WDR59: variants seen among roughly 807,000 people sequenced by gnomAD.
The protein encoded by WDR59 is WD repeat domain 59, also known as GATOR2 complex protein WDR59.
Under a neutral mutation model 131.2 loss-of-function variants are expected in WDR59, and 100 were observed. The ratio of observed to expected loss-of-function variants is 0.76; its 90% CI spans 0.65 to 0.90. WDR59 has a LOEUF of 0.90. Among genes scored for constraint, WDR59 ranks in the 40% least tolerant of loss-of-function variants. The pLI, the probability that WDR59 is intolerant of heterozygous loss-of-function variation, is 0.00. For synonymous variants in WDR59, 601 were observed against 466.2 expected (o/e 1.29, Z -3.72); for missense variants, 1,203 against 1,262.2 (o/e 0.95, Z 0.71).
intron 11 of WDR59, 37 bp from the exon 12 acceptor site, chr16:74,916,296 T>A: frequency 3.1e-6 from 5 of 1,611,798 alleles, no homozygotes; most frequent in Non-Finnish European, 4.2e-6. Context: ...TCTAGAGAAG[T>A]CCGTGGAAAT....
chr16:74,963,547 C>G (rs943345440), intron 2 of WDR59, among the ~76,000 whole-genome samples: 5 of 150,326 alleles, frequency 3.3e-5, no homozygotes, highest in African/African-American at 1.2e-4. Flanking sequence ...AGTGAAAACA[C>G]ATGGACACAG....
At chr16:74,983,785 G>A (rs2034518135) in intron 1 of WDR59, among the ~76,000 whole-genome samples, 1 of 152,042 alleles carries the variant, frequency 6.6e-6, no homozygotes, top group Non-Finnish European at 1.5e-5. Context: ...ATACCAGCCT[G>A]GACAACATAG....
intron 13 of WDR59, among the ~76,000 whole-genome samples, chr16:74,915,188 G>A (rs549293764): frequency 2.3e-3 from 353 of 152,234 alleles, no homozygotes; most frequent in South Asian, 3.7e-3. Flanking sequence ...TGGACGGGCT[G>A]GAGGTTTGGC....
intron 1 of WDR59, among the ~76,000 whole-genome samples, chr16:74,981,651 T>TATATAC (rs2034427573): frequency 1.7e-4 from 1 of 5,990 alleles, no homozygotes; most frequent in African/African-American, 3.1e-4. Context: ...TATATATATA[T>TATATAC]ATATATATAT....
chr16:74,911,393 G>T (rs1966079854), intron 14 of WDR59, among the ~76,000 whole-genome samples: 1 of 152,202 alleles, frequency 6.6e-6, no homozygotes, highest in Non-Finnish European at 1.5e-5. Context: ...GAACAATCAA[G>T]TGTCCACGAC....
chr16:74,897,556 C>T (rs946500358), intron 18 of WDR59, among the ~76,000 whole-genome samples: 2 of 152,160 alleles, frequency 1.3e-5, no homozygotes, highest in African/African-American at 2.4e-5. Context: ...CTTCTTGAGA[C>T]ACCAGGCTTC....
Position 74,874,274 on chromosome 16 carries a change from ACCACT to A in WDR59, c.2855_2859del (p.Glu952ValfsTer18). The A allele has an allele frequency of 1.9e-6, 3 of 1,614,158 alleles. No individual in the cohort carries two copies. Among genetic ancestry groups the A allele is most frequent in the African/African-American group, 1.3e-5 (1 of 75,056 alleles). ...GTGGGACACACCTCCTGGGTCCGAAACCACTCCATCATGTGGCTGGTGTGGCCACC... is the reference window on the plus strand; with the variant it reads ...GTGGGACACACCTCCTGGGTCCGAAACCATCATGTGGCTGGTGTGGCCACC... On this transcript the variant is annotated frameshift_variant, in exon 26 of 26. Coordinates refer to ENST00000262144, the MANE Select transcript of WDR59 (RefSeq NM_030581.4). LOFTEE classifies it high-confidence loss of function.
chr16:74,942,810 G>A lies in WDR59; in HGVS notation c.462C>T (p.Val154=). The part of the protein sequence containing the change: ...ALSAVAGASQ[V]KWNKKNANCL... ...AGTTAGCATTTTTTTTATTCCATTT[G>A]ACCTGGGAGGCACCCGCTGCAAAGA... is the stretch of plus-strand genomic sequence containing the variant. Residue 154 remains valine, a synonymous_variant, in exon 7 of 26, where the codon GTC becomes GTT. Transcript: ENST00000262144. The A allele has an allele frequency of 6.2e-7, 1 of 1,613,090 alleles. No homozygotes were observed. The highest frequency in any genetic ancestry group is 8.5e-7 in the Non-Finnish European group (1 of 1,179,730).
rs59567435 is a variant in WDR59 at position 74,904,188 on chromosome 16, G to A, written c.1713-88C>T. ...TATTCTTAGCACTTGATACCAAAAG[G>A]AGAAGACAAAATGAGAAGATGGAAA... On this transcript the variant is annotated intron_variant, in intron 17 of 25. Transcript: ENST00000262144. 2.5e-3 allele frequency: 3,686 copies of A among 1,477,760 alleles called. 71 individuals are homozygous for A. In the African/African-American group the frequency reaches 0.044, roughly 18 times the overall value. 91.5% of individuals were successfully genotyped at this position (1,477,760 alleles called of 1,614,324 possible).
chr16:74,981,879 C>A (rs2034444458), intron 1 of WDR59, among the ~76,000 whole-genome samples: 1 of 138,784 alleles, frequency 7.2e-6, no homozygotes, highest in Non-Finnish European at 1.6e-5. Flanking sequence ...TGGTCTCAAA[C>A]TCCTGACCTC....
Position 74,938,234 on chromosome 16 carries a change from G to A in WDR59, c.567C>T (p.Ala189=). 1 of 1,564,424 alleles carries A rather than the reference G, an allele frequency of 6.4e-7. No individual in the cohort carries two copies. The highest frequency in any genetic ancestry group is 1.4e-5 in the African/African-American group (1 of 72,394). The change falls in exon 8 of 26, where the codon GCC becomes GCT. Residue 189 remains alanine, a synonymous_variant. Coordinates refer to ENST00000262144, the MANE Select transcript of WDR59 (RefSeq NM_030581.4). The part of the protein sequence containing the change: ...KPSTAVEYLA[A]HLSKIHGLDW... ...CCAGGCCATGGATTTTGGAGAGGTG[G>A]GCGGCTAGATATTCCACTGCTGTAC...
In WDR59 at chr16:74,965,841, A is replaced by C; in HGVS notation, c.55-19T>G. The C allele has an allele frequency of 6.2e-7, 1 of 1,614,068 alleles. No homozygotes were observed. Among genetic ancestry groups the C allele is most frequent in the South Asian group, 1.1e-5 (1 of 91,080 alleles). ...CAGTTGCCTGAGAGAGAGAACACAG[A>C]GTCAGTGCTGCCAGCAAACCCAGCC... On this transcript the variant is annotated intron_variant, in intron 1 of 25. Coordinates refer to ENST00000262144, the MANE Select transcript of WDR59 (RefSeq NM_030581.4).
intron 8 of WDR59, among the ~76,000 whole-genome samples, chr16:74,931,723 A>C (rs991811517): frequency 1.3e-5 from 2 of 152,086 alleles, no homozygotes; most frequent in African/African-American, 4.8e-5. Flanking sequence ...AAACCTCAAA[A>C]ATTAGCCAGG....
At chr16:74,968,306 C>T (rs1418775517) in intron 1 of WDR59, among the ~76,000 whole-genome samples, 4 of 152,162 alleles carry the variant, frequency 2.6e-5, no homozygotes, top group South Asian at 2.1e-4. Flanking sequence ...CATGAAGATT[C>T]GCATTGCTGG....
intron 23 of WDR59, 124 bp downstream of exon 23, chr16:74,887,559 G>A (rs1398878088): frequency 1.1e-6 from 1 of 934,718 alleles, no homozygotes; most frequent in Non-Finnish European, 1.6e-6. Context: ...CCCTATCACA[G>A]TAAATGTAAA....
Position 74,965,775 on chromosome 16 carries a change from A to G in WDR59, c.102T>C (p.Ser34=). 1 of 1,614,158 alleles carries G rather than the reference A, an allele frequency of 6.2e-7. No homozygotes were observed. Among genetic ancestry groups the G allele is most frequent in the Non-Finnish European group, 8.5e-7 (1 of 1,180,002 alleles). ...VDCLGQHAVL[S]GRRFLYIVNL... ...ACAAACTCGGCAAGCTTACTTACCC[A>G]GAAAGCACTGCATGCTGCCCAAGAC... The change falls in exon 2 of 26, where the codon TCT becomes TCC. Residue 34 remains serine (S), a splice_region_variant and synonymous_variant. Coordinates refer to ENST00000262144, the MANE Select transcript of WDR59 (RefSeq NM_030581.4).
chr16:74,958,681 C>G (rs1176847615), intron 2 of WDR59, among the ~76,000 whole-genome samples: 1 of 149,380 alleles, frequency 6.7e-6, no homozygotes, highest in Non-Finnish European at 1.5e-5. Flanking sequence ...GTTGCTTCCC[C>G]CCAACTGGAG....
chr16:74,874,851 A>C (rs28515662), intron 25 of WDR59, among the ~76,000 whole-genome samples: 2,628 of 152,118 alleles, frequency 0.017, 59 homozygotes, highest in African/African-American at 0.057. Context: ...TTGGCCTCCC[A>C]AAGTGCTGGG....
intron 6 of WDR59, among the ~76,000 whole-genome samples, chr16:74,947,719 T>C (rs2032733134): frequency 6.6e-6 from 1 of 152,182 alleles, no homozygotes; most frequent in South Asian, 2.1e-4. Flanking sequence ...GATTCTTCTT[T>C]TGCAAAACAT....
Sources: allele counts gnomAD v4.1 joint callset (sites outside exome capture counted in the v4.1 genomes callset), GRCh38; gene constraint gnomAD v4.1.1; transcripts MANE v1.5; gene names NCBI Gene and HGNC (gene_info 2026-07-23, HGNC 2026-07-21).